SLC10A7: variants seen among roughly 807,000 people sequenced by gnomAD.
SLC10A7 encodes sodium/bile acid cotransporter 7.
A neutral mutation model predicts 43.2 loss-of-function variants in SLC10A7; 29 were observed. That is an observed-to-expected ratio of 0.67 (90% CI 0.50 to 0.92). SLC10A7 has a LOEUF of 0.92. Ranked by LOEUF, SLC10A7 falls within the 40% of genes least tolerant of loss-of-function variation. SLC10A7 has a pLI of 0.00. For synonymous variants in SLC10A7, 152 were observed against 144.8 expected (o/e 1.05, Z -0.35); for missense variants, 295 against 403.2 (o/e 0.73, Z 2.30).
chr4:146,445,414 T>C (rs1431932812), intron 4 of SLC10A7, among the ~76,000 whole-genome samples: 3 of 152,164 alleles, frequency 2.0e-5, no homozygotes, highest in East Asian at 3.9e-4. Context: ...CGCACCTCTC[T>C]GGCGGGAGCA....
intron 9 of SLC10A7, among the ~76,000 whole-genome samples, chr4:146,290,056 G>T (rs1730317546): frequency 6.7e-6 from 1 of 149,326 alleles, no homozygotes; most frequent in Non-Finnish European, 1.5e-5. Flanking sequence ...TGGGCGTGGT[G>T]GCTCACGCCT....
chr4:146,414,021 T>C (rs962175341), intron 5 of SLC10A7, among the ~76,000 whole-genome samples: 2 of 152,008 alleles, frequency 1.3e-5, no homozygotes, highest in Non-Finnish European at 2.9e-5. Context: ...GGAAGAGAAA[T>C]TCAGAAAGAC....
chr4:146,329,723 T>C (rs1733403242), intron 5 of SLC10A7, among the ~76,000 whole-genome samples: 1 of 152,248 alleles, frequency 6.6e-6, no homozygotes, highest in South Asian at 2.1e-4. Flanking sequence ...TCATGTCATA[T>C]GGCAGATACA....
At chr4:146,385,590 AT>A (rs1352394724) in intron 5 of SLC10A7, among the ~76,000 whole-genome samples, 3 of 152,230 alleles carry the variant, frequency 2.0e-5, no homozygotes, top group South Asian at 4.2e-4. Context: ...AAATAAATAA[AT>A]TTTTTTAACT....
intron 4 of SLC10A7, among the ~76,000 whole-genome samples, chr4:146,445,935 A>G (rs1731032445): frequency 1.3e-5 from 2 of 151,290 alleles, no homozygotes; most frequent in Admixed American, 1.3e-4. Context: ...ACGCGCGTGC[A>G]CGGGAGTCCC....
chr4:146,427,611 C>G (rs1221242359), intron 5 of SLC10A7, among the ~76,000 whole-genome samples: 1 of 152,022 alleles, frequency 6.6e-6, no homozygotes, highest in African/African-American at 2.4e-5. Flanking sequence ...TGTTTATATA[C>G]TGTTTCCATG....
intron 10 of SLC10A7, among the ~76,000 whole-genome samples, chr4:146,261,876 C>T (rs1247039089): frequency 2.6e-5 from 4 of 152,212 alleles, no homozygotes; most frequent in Non-Finnish European, 5.9e-5. Flanking sequence ...ACAAGTCAAT[C>T]ACTCGCCAGG....
At chr4:146,287,839 C>T (rs1730134877) in intron 9 of SLC10A7, among the ~76,000 whole-genome samples, 1 of 152,208 alleles carries the variant, frequency 6.6e-6, no homozygotes, top group Non-Finnish European at 1.5e-5. Flanking sequence ...GAGTCTTGCA[C>T]TACACTTTTC....
intron 4 of SLC10A7, among the ~76,000 whole-genome samples, chr4:146,486,608 A>G (rs1734941998): frequency 6.6e-6 from 1 of 152,190 alleles, no homozygotes; most frequent in Non-Finnish European, 1.5e-5. Context: ...AATGGGATAT[A>G]TTTGTGGCTG....
intron 7 of SLC10A7, among the ~76,000 whole-genome samples, chr4:146,299,579 G>C (rs976347671): frequency 6.6e-6 from 1 of 152,140 alleles, no homozygotes; most frequent in Non-Finnish European, 1.5e-5. Flanking sequence ...CCAGTGCAAA[G>C]GTTCTAAGGC....
chr4:146,442,380 G>T, intron 5 of SLC10A7: 1 of 1,003,012 alleles, frequency 1.0e-6, no homozygotes, highest in Non-Finnish European at 1.2e-6. Flanking sequence ...AAAATAAATG[G>T]CATGTCAACA....
At chr4:146,362,198 A>T (rs1736093143) in intron 5 of SLC10A7, among the ~76,000 whole-genome samples, 1 of 152,086 alleles carries the variant, frequency 6.6e-6, no homozygotes, top group Non-Finnish European at 1.5e-5. Flanking sequence ...AATAATAATA[A>T]AGAACTTTCC....
At chr4:146,367,681 G>C (rs1736492123) in intron 5 of SLC10A7, among the ~76,000 whole-genome samples, 1 of 152,030 alleles carries the variant, frequency 6.6e-6, no homozygotes, top group Admixed American at 6.5e-5. Context: ...GAGAATTAAA[G>C]TTTCTGCTTC....
At chr4:146,281,887 C>T (rs1458694974) in intron 10 of SLC10A7, among the ~76,000 whole-genome samples, 2 of 152,146 alleles carry the variant, frequency 1.3e-5, no homozygotes, top group African/African-American at 4.8e-5. Flanking sequence ...TCATGTAGTC[C>T]ACATCAATCT....
intron 4 of SLC10A7, among the ~76,000 whole-genome samples, chr4:146,483,339 T>C (rs934466699): frequency 6.6e-6 from 1 of 152,042 alleles, no homozygotes; most frequent in African/African-American, 2.4e-5. Flanking sequence ...AAAACATAAA[T>C]GGGGTAAGGT....
At chr4:146,370,623 A>G (rs868634086) in intron 5 of SLC10A7, among the ~76,000 whole-genome samples, 2 of 152,172 alleles carry the variant, frequency 1.3e-5, no homozygotes, top group African/African-American at 4.8e-5. Context: ...GTTCTCAAGC[A>G]TGCAAAACAA....
At chr4:146,326,893 C>A (rs938829736) in intron 5 of SLC10A7, among the ~76,000 whole-genome samples, 1 of 150,272 alleles carries the variant, frequency 6.7e-6, no homozygotes, top group East Asian at 2.0e-4. Flanking sequence ...GTTGTGCGTG[C>A]CTAAGACAGA....
intron 10 of SLC10A7, among the ~76,000 whole-genome samples, chr4:146,265,996 C>T (rs1269887217): frequency 6.6e-6 from 1 of 152,216 alleles, no homozygotes; most frequent in East Asian, 1.9e-4. Context: ...CTCCAATCAC[C>T]TGGATCATTT....
chr4:146,273,253 A>G (rs1259037805), intron 10 of SLC10A7, among the ~76,000 whole-genome samples: 4 of 152,134 alleles, frequency 2.6e-5, no homozygotes, highest in Admixed American at 1.3e-4. Context: ...GCTAGAATGA[A>G]GCTGACACAT....
Sources: gnomAD v4.1 joint callset for allele counts (sites outside exome capture counted in the v4.1 genomes callset) on GRCh38, gnomAD v4.1.1 for gene constraint, MANE v1.5 for transcripts, NCBI Gene and HGNC (gene_info 2026-07-23, HGNC 2026-07-21) for gene names.